Variants in PHF20 observed in about 807,000 individuals in gnomAD.
The protein encoded by PHF20 is PHD finger protein 20, also known as glioma-expressed antigen 2.
Under a neutral mutation model 113.5 loss-of-function variants are expected in PHF20, and 23 were observed. The ratio of observed to expected loss-of-function variants is 0.20; its 90% CI spans 0.15 to 0.29. PHF20 has a LOEUF of 0.29. PHF20 is among the 10% of genes least tolerant of loss of function. The probability of loss-of-function intolerance (pLI) is 1.00; values close to 1 mark genes in which losing one functional copy is unlikely to be tolerated. For synonymous variants in PHF20, 434 were observed against 457.3 expected, an observed-to-expected ratio of 0.95 and a Z score of 0.65; for missense variants, 943 against 1,219.6, an observed-to-expected ratio of 0.77 and a Z score of 3.38.
At chr20:35,886,833 A>C (rs1169733070) in intron 9 of PHF20, among the ~76,000 whole-genome samples, 2 of 152,208 alleles carry the variant, frequency 1.3e-5, no homozygotes, top group Admixed American at 1.3e-4. Context: ...CCAGGGAGGA[A>C]TGGCAGGAAG....
chr20:35,894,941 G>A (rs7268813), intron 9 of PHF20, among the ~76,000 whole-genome samples: 22 of 152,164 alleles, frequency 1.4e-4, no homozygotes, highest in African/African-American at 4.8e-4. Flanking sequence ...CTGCGATCTC[G>A]ACCTCCTGGT....
intron 2 of PHF20, among the ~76,000 whole-genome samples, chr20:35,827,063 T>G (rs926640334): frequency 2.6e-5 from 4 of 152,184 alleles, no homozygotes; most frequent in Non-Finnish European, 5.9e-5. Context: ...GTTCCTTTTG[T>G]GCATAGAAGT....
chr20:35,854,829 A>G (rs1160938910), intron 4 of PHF20, among the ~76,000 whole-genome samples: 1 of 152,152 alleles, frequency 6.6e-6, no homozygotes, highest in Admixed American at 6.6e-5. Context: ...TTGGATTCCA[A>G]AGATAGCTGT....
At chr20:35,818,467 C>A (rs1227934311) in intron 2 of PHF20, among the ~76,000 whole-genome samples, 1 of 151,990 alleles carries the variant, frequency 6.6e-6, no homozygotes, top group Non-Finnish European at 1.5e-5. Flanking sequence ...GCCATGTTGC[C>A]CAGGCTGGTC....
rs535982477 is a variant in PHF20 at position 35,802,297 on chromosome 20, G to C, written c.83+692G>C. Among the ~76,000 whole-genome samples the C allele has an allele frequency of 1.8e-4, 27 of 151,998 alleles. No homozygotes were observed. The South Asian group carries it at 5.6e-3, about 32-fold the overall frequency. On this transcript the variant is annotated intron_variant, in intron 2 of 17. Coordinates refer to ENST00000374012, the MANE Select transcript of PHF20 (RefSeq NM_016436.5). Reference sequence around the variant, plus strand: ...GCATCCTAGAATTTGGTCATTTTTTGGTGCTCAAGGTGAGCGTGGGGTTTT... The same window carrying C: ...GCATCCTAGAATTTGGTCATTTTTTCGTGCTCAAGGTGAGCGTGGGGTTTT...
At chr20:35,814,667 A>T in intron 2 of PHF20, among the ~76,000 whole-genome samples, 1 of 148,848 alleles carries the variant, frequency 6.7e-6, no homozygotes, top group African/African-American at 2.4e-5. Context: ...AGGTCAGGAG[A>T]TCGAGACCAT....
intron 15 of PHF20, among the ~76,000 whole-genome samples, chr20:35,937,196 G>T (rs184000591): frequency 6.6e-6 from 1 of 152,106 alleles, no homozygotes; most frequent in East Asian, 1.9e-4. Context: ...GCCAGGCTTG[G>T]TGGCTCACGC....
At chr20:35,946,324 C>T (rs1163792520) in intron 17 of PHF20, among the ~76,000 whole-genome samples, 3 of 152,120 alleles carry the variant, frequency 2.0e-5, no homozygotes, top group East Asian at 1.9e-4. Flanking sequence ...ATCCCAGCTA[C>T]TTTGGAGGCT....
At chr20:35,791,462 TA>T (rs2041548050) in intron 1 of PHF20, among the ~76,000 whole-genome samples, 1 of 132,774 alleles carries the variant, frequency 7.5e-6, no homozygotes, top group Admixed American at 7.4e-5. Context: ...TCTATCTATC[TA>T]TCTATCTATC....
chr20:35,860,413 G>C lies in PHF20; in HGVS notation c.420+2032G>C, dbSNP rs766573193. Among the ~76,000 whole-genome samples the C allele has an allele frequency of 4.6e-5, 7 of 150,606 alleles. No homozygotes were observed. The East Asian group carries it at 7.9e-4, about 17-fold the overall frequency. On this transcript the variant is annotated intron_variant, in intron 5 of 17. Coordinates refer to ENST00000374012, the MANE Select transcript of PHF20 (RefSeq NM_016436.5). The stretch of plus-strand genomic sequence containing the variant: ...GCACCACTATGCCCAGCTAATTTTT[G>C]TATTTTTAATAGAGATGGGGGTTTC...
At chr20:35,898,264 G>T (rs977385057) in intron 9 of PHF20, among the ~76,000 whole-genome samples, 4 of 152,116 alleles carry the variant, frequency 2.6e-5, no homozygotes, top group Non-Finnish European at 5.9e-5. Context: ...CTTTGTAACT[G>T]TTACACTTTC....
intron 1 of PHF20, among the ~76,000 whole-genome samples, chr20:35,783,418 C>A (rs145400396): frequency 5.9e-4 from 87 of 146,888 alleles, no homozygotes; most frequent in African/African-American, 2.0e-3. Flanking sequence ...AAGACTCTTA[C>A]TTTTTTTTTT....
chr20:35,789,322 T>C (rs1208780941), intron 1 of PHF20, among the ~76,000 whole-genome samples: 2 of 151,554 alleles, frequency 1.3e-5, no homozygotes, highest in Non-Finnish European at 2.9e-5. Context: ...TTCCAGCTAC[T>C]TGGGAGGCTG....
At chr20:35,884,605 A>AT (rs1454625597) in intron 9 of PHF20, among the ~76,000 whole-genome samples, 1 of 151,882 alleles carries the variant, frequency 6.6e-6, no homozygotes, top group Non-Finnish European at 1.5e-5. Flanking sequence ...GTAGATGCAT[A>AT]TTTTTTCCTG....
At chr20:35,840,097 T>C (rs1199557309) in intron 2 of PHF20, among the ~76,000 whole-genome samples, 1 of 152,096 alleles carries the variant, frequency 6.6e-6, no homozygotes, top group African/African-American at 2.4e-5. Context: ...AGGACAGCAC[T>C]GTACTAGGTG....
intron 15 of PHF20, among the ~76,000 whole-genome samples, chr20:35,932,320 CG>C (rs2055773846): frequency 6.6e-6 from 1 of 151,464 alleles, no homozygotes; most frequent in Non-Finnish European, 1.5e-5. Flanking sequence ...CCACCCACCT[CG>C]GGCTCCCAAA....
chr20:35,809,726 A>C (rs889261289), intron 2 of PHF20, among the ~76,000 whole-genome samples: 2 of 149,598 alleles, frequency 1.3e-5, no homozygotes, highest in African/African-American at 4.9e-5. Flanking sequence ...TCAAAAAAAA[A>C]AAAAAAATTC....
At position 35,939,116 on chromosome 20, in the gene PHF20, G is replaced by C. The variant is rs763199576; in HGVS notation, c.2712+8G>C. The C allele has an allele frequency of 6.3e-7, 1 of 1,592,022 alleles. No individual in the cohort carries two copies. Among genetic ancestry groups the C allele is most frequent in the East Asian group, 2.2e-5 (1 of 44,614 alleles). On this transcript the variant is annotated splice_region_variant and intron_variant, in intron 16 of 17. Coordinates refer to ENST00000374012, the MANE Select transcript of PHF20 (RefSeq NM_016436.5). ...AAACCCGGCTCCCCAAAGGTATGTG[G>C]CTGCCTTGTACTTGTTCTTCATTCA... is the stretch of plus-strand genomic sequence containing the variant.
intron 14 of PHF20, among the ~76,000 whole-genome samples, chr20:35,929,213 T>C (rs6060690): frequency 0.078 from 11,897 of 152,256 alleles, 729 homozygotes; most frequent in South Asian, 0.2. Context: ...ATAAAGCAAA[T>C]TGGAATTAGA....
Sources: allele counts gnomAD v4.1 joint callset (sites outside exome capture counted in the v4.1 genomes callset), GRCh38; gene constraint gnomAD v4.1.1; transcripts MANE v1.5; gene names NCBI Gene and HGNC (gene_info 2026-07-23, HGNC 2026-07-21).